The following MGAT4C variants were observed in gnomAD, a reference collection of about 807,000 sequenced individuals.
MGAT4C encodes alpha-1,3-mannosyl-glycoprotein 4-beta-N-acetylglucosaminyltransferase C.
A neutral mutation model predicts 40.1 loss-of-function variants in MGAT4C; 19 were observed. The observed-to-expected ratio is 0.47, with a 90% confidence interval of 0.33 to 0.70. MGAT4C has a LOEUF of 0.70. Ranked by LOEUF, MGAT4C falls within the 30% of genes least tolerant of loss-of-function variation. The pLI, the probability that MGAT4C is intolerant of heterozygous loss-of-function variation, is 0.02. For missense variants in MGAT4C, 491 were observed against 563.2 expected (o/e 0.87, Z 1.30); for synonymous variants, 181 against 187.1 (o/e 0.97, Z 0.27).
intron 2 of MGAT4C, among the ~76,000 whole-genome samples, chr12:86,724,202 T>C (rs879565999): frequency 2.0e-5 from 3 of 152,134 alleles, no homozygotes; most frequent in Admixed American, 6.6e-5. Context: ...TTCAAAATAG[T>C]TTATGGCAAA....
At position 86,732,242 on chromosome 12, in the gene MGAT4C, T is replaced by G. The variant is rs113968944; in HGVS notation, c.-261-5001A>C. Reference sequence around the variant, plus strand: ...CTTTACTTTCTATTTAGTTCATCAATGCATTTGAATGTTTTAATACAACAG... The same window carrying G: ...CTTTACTTTCTATTTAGTTCATCAAGGCATTTGAATGTTTTAATACAACAG... On this transcript the variant is annotated intron_variant, in intron 1 of 7. Coordinates refer to the MGAT4C transcript ENST00000548651. 3.4e-3 allele frequency among the ~76,000 whole-genome samples: 525 copies of G among 152,288 alleles called. 2 individuals carry two copies. Among genetic ancestry groups the G allele is most frequent in the African/African-American group, 0.012 (503 of 41,578 alleles).
At chr12:86,349,076 A>G (rs1482608600) in intron 3 of MGAT4C, among the ~76,000 whole-genome samples, 1 of 152,182 alleles carries the variant, frequency 6.6e-6, no homozygotes. Context: ...TCTTGAAACT[A>G]AAGTTCTTAT....
At position 86,367,437 on chromosome 12, in the gene MGAT4C, T is replaced by C. The variant is rs565460735; in HGVS notation, c.-119-33310A>G. Among the ~76,000 whole-genome samples, 54 of 152,114 alleles carry C rather than the reference T, an allele frequency of 3.5e-4. 1 individual carries two copies. Among genetic ancestry groups the C allele is most frequent in the Non-Finnish European group, 4.4e-5 (3 of 68,028 alleles). On this transcript the variant is annotated intron_variant, in intron 3 of 7. Transcript: ENST00000548651. ...GGAACACACAACTCTCCCTCCCAGATAAGCACAACAAACAGAAACAGAAGC... is the reference window on the plus strand; with the variant it reads ...GGAACACACAACTCTCCCTCCCAGACAAGCACAACAAACAGAAACAGAAGC...
At chr12:86,616,511 GTA>G (rs1177508510) in intron 2 of MGAT4C, among the ~76,000 whole-genome samples, 1 of 152,130 alleles carries the variant, frequency 6.6e-6, no homozygotes, top group Non-Finnish European at 1.5e-5. Flanking sequence ...TTTCACAAGT[GTA>G]GTTCATGTAA....
chr12:86,320,202 T>C (rs1481306749), intron 4 of MGAT4C, among the ~76,000 whole-genome samples: 1 of 152,116 alleles, frequency 6.6e-6, no homozygotes, highest in African/African-American at 2.4e-5. Flanking sequence ...TAATCCTGTC[T>C]GAGAAAAAAA....
intron 2 of MGAT4C, among the ~76,000 whole-genome samples, chr12:86,040,232 G>A (rs1297038134): frequency 3.3e-5 from 5 of 152,242 alleles, no homozygotes; most frequent in African/African-American, 2.4e-5. Context: ...TGAGGTGGCA[G>A]TGTATCCCTT....
intron 2 of MGAT4C, among the ~76,000 whole-genome samples, chr12:86,681,044 A>G (rs1297838650): frequency 1.3e-5 from 2 of 151,972 alleles, no homozygotes; most frequent in Non-Finnish European, 1.5e-5. Context: ...ACTTACTTAA[A>G]TAAAAATTAT....
At chr12:86,301,851 T>A (rs1025816623) in intron 4 of MGAT4C, among the ~76,000 whole-genome samples, 10 of 152,204 alleles carry the variant, frequency 6.6e-5, no homozygotes, top group African/African-American at 2.4e-4. Context: ...GCAGACAAAA[T>A]GTACAATCAA....
At chr12:86,390,556 GAC>G (rs1956144589) in intron 3 of MGAT4C, among the ~76,000 whole-genome samples, 1 of 151,958 alleles carries the variant, frequency 6.6e-6, no homozygotes, top group Non-Finnish European at 1.5e-5. Context: ...CTTTGCAAAA[GAC>G]AATACATTTG....
chr12:86,512,521 GA>G (rs1319814729), intron 2 of MGAT4C, among the ~76,000 whole-genome samples: 3 of 152,116 alleles, frequency 2.0e-5, no homozygotes, highest in Non-Finnish European at 4.4e-5. Flanking sequence ...CCGAAGTATG[GA>G]AATTTTTAAT....
intron 2 of MGAT4C, among the ~76,000 whole-genome samples, chr12:86,712,024 T>C (rs569903167): frequency 2.0e-5 from 3 of 152,292 alleles, no homozygotes; most frequent in East Asian, 1.9e-4. Flanking sequence ...GTGCTGGTGA[T>C]GATTTCTTAT....
chr12:86,359,646 G>C (rs934604306), intron 3 of MGAT4C, among the ~76,000 whole-genome samples: 2 of 152,066 alleles, frequency 1.3e-5, no homozygotes, highest in Non-Finnish European at 2.9e-5. Flanking sequence ...TGATAAAGGG[G>C]ATATCACCAA....
At chr12:86,092,812 C>T (rs370120406) in intron 1 of MGAT4C, among the ~76,000 whole-genome samples, 17 of 152,202 alleles carry the variant, frequency 1.1e-4, no homozygotes, top group East Asian at 3.9e-4. Flanking sequence ...AGGCATATGA[C>T]GGTTCCTTTA....
intron 1 of MGAT4C, among the ~76,000 whole-genome samples, chr12:86,740,192 GAATT>G (rs1281464444): frequency 6.6e-6 from 1 of 151,044 alleles, no homozygotes. Context: ...GAAGACAATA[GAATT>G]AATTTTGTTT....
chr12:86,757,021 T>C (rs1234977124), intron 1 of MGAT4C, among the ~76,000 whole-genome samples: 1 of 152,180 alleles, frequency 6.6e-6, no homozygotes, highest in African/African-American at 2.4e-5. Context: ...TAAAATTCTA[T>C]ATAAATTACA....
intron 2 of MGAT4C, among the ~76,000 whole-genome samples, chr12:86,524,699 A>G (rs1187451992): frequency 3.3e-5 from 5 of 152,184 alleles, no homozygotes; most frequent in Non-Finnish European, 5.9e-5. Context: ...TTTTTCAGGG[A>G]CACCAATGAG....
At chr12:86,186,286 A>G (rs1888746361) in intron 1 of MGAT4C, among the ~76,000 whole-genome samples, 1 of 152,146 alleles carries the variant, frequency 6.6e-6, no homozygotes, top group African/African-American at 2.4e-5. Flanking sequence ...CCCAAGTTCA[A>G]GCTAGCACCA....
chr12:86,584,749 G>A (rs1050410343), intron 2 of MGAT4C, among the ~76,000 whole-genome samples: 1 of 151,218 alleles, frequency 6.6e-6, no homozygotes, highest in African/African-American at 2.4e-5. Flanking sequence ...TATTGGAAAG[G>A]TTATGATTGC....
At chr12:86,279,147 G>T (rs1953151667) in intron 4 of MGAT4C, among the ~76,000 whole-genome samples, 1 of 151,662 alleles carries the variant, frequency 6.6e-6, no homozygotes. Context: ...GTCTGATTTT[G>T]GTATTAGGAT....
Sources: gnomAD v4.1 joint callset for allele counts (sites outside exome capture counted in the v4.1 genomes callset) on GRCh38, gnomAD v4.1.1 for gene constraint, MANE v1.5 for transcripts, NCBI Gene and HGNC (gene_info 2026-07-23, HGNC 2026-07-21) for gene names.